USP22: variants seen among roughly 807,000 people sequenced by gnomAD.
USP22 encodes the protein ubiquitin specific peptidase 22, also known as ubiquitin carboxyl-terminal hydrolase 22.
A neutral mutation model predicts 68.1 loss-of-function variants in USP22; 22 were observed. The observed-to-expected ratio is 0.32, with a 90% CI of 0.23 to 0.46. The LOEUF (loss-of-function observed/expected upper bound fraction) is 0.46, where lower values mean the gene tolerates loss of function less well. USP22 is among the 20% of genes least tolerant of loss of function. The pLI, the probability that USP22 is intolerant of heterozygous loss-of-function variation, is 1.00. For synonymous variants in USP22, 279 were observed against 274.2 expected (o/e 1.02, Z -0.17); for missense variants, 433 against 695.8 (o/e 0.62, Z 4.25).
intron 2 of USP22, among the ~76,000 whole-genome samples, chr17:21,022,324 G>A (rs1162004265): frequency 6.7e-6 from 1 of 148,736 alleles, no homozygotes; most frequent in Non-Finnish European, 1.5e-5. Flanking sequence ...TTTATTTTAT[G>A]GAAATAAGAT....
At chr17:21,018,432 T>C in intron 4 of USP22, 1 of 124,036 alleles carries the variant, frequency 8.1e-6, no homozygotes, top group Non-Finnish European at 1.6e-5. Flanking sequence ...AAAAATGTTC[T>C]AGGGCCAGGG....
rs2143584802 is a variant in USP22, at chr17:21,021,141, C to T, written c.390G>A (p.Glu130=). 1 of 1,614,186 alleles carries T rather than the reference C, an allele frequency of 6.2e-7. No individual in the cohort carries two copies. Among genetic ancestry groups the T allele is most frequent in the Non-Finnish European group, 8.5e-7 (1 of 1,180,020 alleles). The change falls in exon 3 of 13, where the codon GAG becomes GAA. Residue 130 remains glutamate, a synonymous_variant. Transcript: ENST00000261497. ...YDKDMEIIAK[E]EQRKAWKMQG... ...GCATTTTCCAAGCTTTTCGCTGCTC[C>T]TCCTTGGCGATTATTTCCATGTCTT...
chr17:21,022,636 A>G (rs950982405), intron 2 of USP22, among the ~76,000 whole-genome samples: 4 of 151,930 alleles, frequency 2.6e-5, no homozygotes, highest in Admixed American at 2.0e-4. Flanking sequence ...CGTCTCTACT[A>G]AAAGTACAAA....
At position 21,017,982 on chromosome 17, in the gene USP22, C is replaced by G. The variant is rs1337405973; in HGVS notation, c.650G>C (p.Ser217Thr). The change falls in exon 5 of 13, where the codon AGC becomes ACC. Residue 217 changes from serine to threonine, a missense_variant. Physicochemically the swap from Ser to Thr is moderately conservative, Grantham distance 58. Coordinates refer to ENST00000261497, the MANE Select transcript of USP22 (RefSeq NM_015276.2). ...GGACATCTCACAGACCAGACAGGAG[C>G]TGGGGCTCTGCATCTCACAGCGGTG... Reference protein sequence around the residue: ...DRHRCEMQSPSSCLVCEMSSL... With the variant: ...DRHRCEMQSPTSCLVCEMSSL... 3 of 1,614,164 alleles carry G rather than the reference C, an allele frequency of 1.9e-6. No homozygotes were observed. The highest frequency in any genetic ancestry group is 1.7e-4 in the Middle Eastern group (1 of 6,048).
At chr17:21,029,709 G>A (rs1324501916) in intron 1 of USP22, among the ~76,000 whole-genome samples, 1 of 152,178 alleles carries the variant, frequency 6.6e-6, no homozygotes, top group Non-Finnish European at 1.5e-5. Context: ...CTCCACCACA[G>A]AAAGGAGTGA....
intron 11 of USP22, 38 bp from the exon 12 acceptor site, chr17:21,004,389 C>T (rs1488638278): frequency 6.2e-7 from 1 of 1,608,014 alleles, no homozygotes; most frequent in South Asian, 1.1e-5. Context: ...GCGCAGGTGA[C>T]TTGATGCCGT....
rs1913703171 is a variant in USP22 at position 21,004,294 on chromosome 17, G to A, written c.1443C>T (p.Thr481=). 6.2e-7 allele frequency: 1 copy of A among 1,614,176 alleles called. No individual in the cohort carries two copies. Among genetic ancestry groups the A allele is most frequent in the Non-Finnish European group, 8.5e-7 (1 of 1,180,016 alleles). Residue 481 remains threonine (T), a synonymous_variant, in exon 12 of 13, where the codon ACC becomes ACT. Transcript: ENST00000261497. The stretch of plus-strand genomic sequence containing the variant: ...GGTCTTTGTGCTGCCGGATAAAGCT[G>A]GTGTAGTGGCCACTCTCCAAGGTCC... ...HQGTLESGHY[T]SFIRQHKDQW...
intron 1 of USP22, among the ~76,000 whole-genome samples, chr17:21,039,306 G>A (rs1273429631): frequency 5.3e-5 from 8 of 151,722 alleles, no homozygotes; most frequent in Non-Finnish European, 1.2e-4. Context: ...GGCCAGGCGC[G>A]GTGGCTCATG....
intron 7 of USP22, among the ~76,000 whole-genome samples, chr17:21,011,996 T>G (rs775785239): frequency 6.6e-6 from 1 of 152,156 alleles, no homozygotes. Flanking sequence ...TTATAGAAAA[T>G]GGCCCCCGTG....
Position 21,028,589 on chromosome 17 carries a change from G to A in USP22, c.257C>T (p.Thr86Ile). Reference protein sequence around the residue: ...CLYCVFFGCFTKKHIHEHAKA... With the variant: ...CLYCVFFGCFIKKHIHEHAKA... ...CGCATGCTCGTGAATATGCTTCTTT[G>A]TGAAACAGCCGAAGAAGACACAGTA... Residue 86 changes from threonine (T) to isoleucine (I), a missense_variant, in exon 2 of 13, where the codon ACA (threonine) becomes ATA (isoleucine). Physicochemically the swap from Thr to Ile is moderately conservative, Grantham distance 89. Around this residue, in one of 4 missense-constraint regions of USP22, gnomAD observed 144 missense variants for 237.2 expected, o/e 0.61. Coordinates refer to ENST00000261497, the MANE Select transcript of USP22 (RefSeq NM_015276.2). The A allele has an allele frequency of 1.2e-6, 2 of 1,614,070 alleles. No individual in the cohort carries two copies. The highest frequency in any genetic ancestry group is 1.7e-6 in the Non-Finnish European group (2 of 1,180,018).
At chr17:21,011,869 G>C (rs181707442) in intron 7 of USP22, among the ~76,000 whole-genome samples, 1 of 152,278 alleles carries the variant, frequency 6.6e-6, no homozygotes, top group South Asian at 2.1e-4. Flanking sequence ...TTTAAATCTT[G>C]AGACAATCTC....
intron 8 of USP22, among the ~76,000 whole-genome samples, chr17:21,010,475 G>A (rs779713025): frequency 4.6e-5 from 7 of 151,750 alleles, no homozygotes; most frequent in Non-Finnish European, 8.8e-5. Flanking sequence ...TCACGAGTTC[G>A]AGACTAGCCT....
At chr17:21,037,462 C>T (rs1972371892) in intron 1 of USP22, among the ~76,000 whole-genome samples, 1 of 152,198 alleles carries the variant, frequency 6.6e-6, no homozygotes, top group Non-Finnish European at 1.5e-5. Context: ...CCTTAATTTA[C>T]GGGAATGAGA....
At chr17:21,021,820 C>T (rs1972159783) in intron 2 of USP22, among the ~76,000 whole-genome samples, 1 of 152,140 alleles carries the variant, frequency 6.6e-6, no homozygotes, top group South Asian at 2.1e-4. Flanking sequence ...GACTAATAGG[C>T]CAGGAGCTGT....
chr17:21,039,981 T>G (rs1466757341), intron 1 of USP22, among the ~76,000 whole-genome samples: 1 of 152,160 alleles, frequency 6.6e-6, no homozygotes, highest in Non-Finnish European at 1.5e-5. Context: ...GGAGGATGGC[T>G]TGAGTCCAGG....
chr17:21,015,663 T>G, intron 6 of USP22, 89 bp downstream of exon 6: 1 of 1,459,012 alleles, frequency 6.9e-7, no homozygotes, highest in East Asian at 2.4e-5. Context: ...CTGTGCCCCT[T>G]TTTGCACGAG....
At chr17:21,038,701 A>T (rs931025236) in intron 1 of USP22, among the ~76,000 whole-genome samples, 1 of 151,992 alleles carries the variant, frequency 6.6e-6, no homozygotes, top group South Asian at 2.1e-4. Context: ...TAAAAAATTT[A>T]AAAAAGTGTT....
intron 6 of USP22, among the ~76,000 whole-genome samples, chr17:21,014,880 C>T (rs903735176): frequency 3.9e-5 from 6 of 152,212 alleles, no homozygotes; most frequent in African/African-American, 1.2e-4. Flanking sequence ...AGTATGGCAT[C>T]TGAACCAGCG....
At chr17:21,028,881 T>C (rs1316857872) in intron 1 of USP22, among the ~76,000 whole-genome samples, 2 of 147,160 alleles carry the variant, frequency 1.4e-5, no homozygotes, top group East Asian at 1.9e-4. Context: ...TAGCTCCCCA[T>C]AGGAAAACTC....
Sources: gnomAD v4.1 joint callset for allele counts (sites outside exome capture counted in the v4.1 genomes callset) on GRCh38, gnomAD v4.1.1 for gene constraint, gnomAD v4.1.1 regional missense constraint, MANE v1.5 for transcripts, NCBI Gene and HGNC (gene_info 2026-07-23, HGNC 2026-07-21) for gene names.